Variants in HTT observed in about 807,000 individuals in gnomAD.
HTT encodes the protein huntington disease protein.
HTT carries 104 observed loss-of-function variants against 362.3 expected under a neutral mutation model. That is an observed-to-expected ratio of 0.29 (90% CI 0.24 to 0.34). The LOEUF (loss-of-function observed/expected upper bound fraction) is 0.34. Among genes scored for constraint, HTT ranks in the 10% least tolerant of loss-of-function variants. The pLI is 1.00. For missense variants in HTT, 3,301 were observed against 3,928.6 expected, an observed-to-expected ratio of 0.84 and a Z score of 4.27; for synonymous variants, 1,577 against 1,548.7, an observed-to-expected ratio of 1.02 and a Z score of -0.43.
chr4:3,198,151 G>A (rs1560589495), intron 40 of HTT, among the ~76,000 whole-genome samples: 1 of 151,160 alleles, frequency 6.6e-6, no homozygotes, highest in Admixed American at 6.6e-5. Context: ...GCATTGTGGA[G>A]CCCTAAAAAG....
intron 11 of HTT, among the ~76,000 whole-genome samples, chr4:3,126,691 C>T (rs960830016): frequency 2.0e-5 from 3 of 152,168 alleles, no homozygotes; most frequent in Admixed American, 6.5e-5. Flanking sequence ...AGCTTCATGT[C>T]GACCTTTTTG....
chr4:3,209,662 A>T (rs779365658), intron 46 of HTT, among the ~76,000 whole-genome samples, 165 bp from the exon 47 acceptor site: 11 of 152,178 alleles, frequency 7.2e-5, no homozygotes, highest in Non-Finnish European at 1.5e-4. Flanking sequence ...TCCAAAGGGG[A>T]AAACCTGTGG....
In HTT at chr4:3,206,732, G is replaced by T; in HGVS notation, c.5898+57G>T. On this transcript the variant is annotated intron_variant, in intron 43 of 66. Coordinates refer to ENST00000355072, the MANE Select transcript of HTT (RefSeq NM_001388492.1). The surrounding 1 kb of genome is among the most constrained non-coding windows in gnomAD (Gnocchi z 4.6). ...TGCAGTTTTCCCTGCCTTAAAAATG[G>T]AGTATTGAAATTTTTAACTTTAATT... 4.4e-6 allele frequency: 7 copies of T among 1,590,764 alleles called. No individual in the cohort carries two copies. The highest frequency in any genetic ancestry group is 5.2e-6 in the Non-Finnish European group (6 of 1,164,238).
intron 6 of HTT, among the ~76,000 whole-genome samples, chr4:3,114,930 G>A (rs1714943399): frequency 6.6e-6 from 1 of 152,110 alleles, no homozygotes; most frequent in Non-Finnish European, 1.5e-5. Flanking sequence ...CATCTCTTAG[G>A]GTGGGGCATT....
At chr4:3,196,734 G>C (rs1262711180) in intron 40 of HTT, among the ~76,000 whole-genome samples, 2 of 148,864 alleles carry the variant, frequency 1.3e-5, no homozygotes, top group East Asian at 3.9e-4. Context: ...GTGAGACCCT[G>C]TCTGAAAAAA....
intron 29 of HTT, among the ~76,000 whole-genome samples, chr4:3,165,690 T>C (rs1427179267): frequency 6.6e-6 from 1 of 152,018 alleles, no homozygotes; most frequent in Non-Finnish European, 1.5e-5. Flanking sequence ...TCCTTTCTTC[T>C]GCTTGATTGA....
intron 3 of HTT, 101 bp from the exon 4 acceptor site, chr4:3,103,723 G>T: frequency 1.4e-6 from 1 of 724,652 alleles, no homozygotes; most frequent in South Asian, 1.6e-5. Context: ...TTGCTATTAT[G>T]TTTTGCTTTG....
chr4:3,155,605 G>A (rs1252610406), intron 27 of HTT, among the ~76,000 whole-genome samples: 2 of 151,372 alleles, frequency 1.3e-5, no homozygotes, highest in Admixed American at 1.3e-4. Context: ...ACATTGGCCA[G>A]GCGTGGTGGC....
chr4:3,175,056 G>A lies in HTT; in HGVS notation c.4356G>A (p.Leu1452=). ...TACAGAAGCAGGTTTTAGATTTGCT[G>A]GCGCAGCTGGTTCAGTTACGGGTTA... The part of the protein sequence containing the change: ...VQLQKQVLDL[L]AQLVQLRVNY... The change falls in exon 33 of 67, where the codon CTG becomes CTA. Residue 1452 remains leucine, a synonymous_variant. Transcript: ENST00000355072. 6.2e-7 allele frequency: 1 copy of A among 1,614,148 alleles called. No homozygotes were observed. The highest frequency in any genetic ancestry group is 8.5e-7 in the Non-Finnish European group (1 of 1,180,010).
chr4:3,105,551 C>T (rs543273569), intron 5 of HTT, 115 bp downstream of exon 5: 77 of 725,406 alleles, frequency 1.1e-4, no homozygotes, highest in Non-Finnish European at 1.7e-4. Flanking sequence ...AAATTGCAGT[C>T]GACCTTGCCC....
chr4:3,156,616 G>A (rs1274825636), intron 27 of HTT, among the ~76,000 whole-genome samples: 1 of 152,178 alleles, frequency 6.6e-6, no homozygotes, highest in African/African-American at 2.4e-5. Flanking sequence ...ATAGTGCTTG[G>A]CACTTTAATA....
At chr4:3,097,629 C>G (rs1203407942) in intron 2 of HTT, among the ~76,000 whole-genome samples, 1 of 152,026 alleles carries the variant, frequency 6.6e-6, no homozygotes, top group Non-Finnish European at 1.5e-5. Context: ...AAGACTCCAT[C>G]TCAAAACAAA....
In HTT at chr4:3,187,729, G is replaced by T; in HGVS notation, c.5068G>T (p.Asp1690Tyr). The stretch of plus-strand genomic sequence containing the variant: ...GGTTCTGATTTCCCAGTCAACTGAA[G>T]ATATTGTTCTTTCTCGTATTCAGGA... ...LRVLISQSTE[D>Y]IVLSRIQELS... Residue 1690 changes from aspartate (D) to tyrosine (Y), a missense_variant, in exon 39 of 67, where the codon GAT becomes TAT. Asp to Tyr is a radical substitution (Grantham distance 160). This residue lies in a region of HTT where 2,316 missense variants were observed against 2,658.5 expected (regional missense o/e 0.87). Transcript: ENST00000355072. The T allele has an allele frequency of 6.2e-7, 1 of 1,614,144 alleles. No individual in the cohort carries two copies. Among genetic ancestry groups the T allele is most frequent in the African/African-American group, 1.3e-5 (1 of 75,040 alleles).
Position 3,105,369 on chromosome 4 carries a change from C to G in HTT, c.541C>G (p.Arg181Gly). Reference protein sequence around the residue: ...YKEIKKNGAPRSLRAALWRFA... With the variant: ...YKEIKKNGAPGSLRAALWRFA... Reference sequence around the variant, plus strand: ...TGCACCCCCTCAGAATGGTGCCCCTCGGAGTTTGCGTGCTGCCCTGTGGAG... The same window carrying G: ...TGCACCCCCTCAGAATGGTGCCCCTGGGAGTTTGCGTGCTGCCCTGTGGAG... The change falls in exon 5 of 67, where the codon CGG becomes GGG. Residue 181 changes from arginine (R) to glycine (G), a missense_variant. This residue lies in a region of HTT where 2,316 missense variants were observed against 2,658.5 expected (regional missense o/e 0.87). Transcript: ENST00000355072. 6.2e-7 allele frequency: 1 copy of G among 1,613,578 alleles called. No homozygotes were observed. The highest frequency in any genetic ancestry group is 2.2e-5 in the East Asian group (1 of 44,884).
At chr4:3,136,471 ATG>A in intron 21 of HTT, 145 bp downstream of exon 21, 1 of 450,022 alleles carries the variant, frequency 2.2e-6, no homozygotes, top group South Asian at 6.3e-5. Flanking sequence ...TTAAACTATA[ATG>A]AAAAAAAAAT....
rs12503835 is a variant in HTT, at chr4:3,225,612, G to A, written c.7766-49G>A. The A allele has an allele frequency of 6.7e-5, 104 of 1,550,326 alleles. No individual in the cohort carries two copies. The East Asian group carries it at 1.9e-3, about 29-fold the overall frequency. ...CTGGGCTGGTATGGGGTGGGCCTGC[G>A]GCCCTGCCCCCCTGTGCAGATCAAG... On this transcript the variant is annotated intron_variant, in intron 56 of 66. Coordinates refer to ENST00000355072, the MANE Select transcript of HTT (RefSeq NM_001388492.1).
rs200639978 is a variant in HTT, at chr4:3,131,715, C to T, written c.2176C>T (p.His726Tyr). 127 of 1,613,924 alleles carry T rather than the reference C, an allele frequency of 7.9e-5. No individual in the cohort carries two copies. Among genetic ancestry groups the T allele is most frequent in the Non-Finnish European group, 1.0e-4 (118 of 1,179,942 alleles). ...LSCVGAAVAL[H>Y]PESFFSKLYK... Reference sequence around the variant, plus strand: ...CTGTGTGGGAGCAGCTGTGGCCCTCCACCCGGAATCTTTCTTCAGCAAACT... The same window carrying T: ...CTGTGTGGGAGCAGCTGTGGCCCTCTACCCGGAATCTTTCTTCAGCAAACT... Residue 726 changes from histidine to tyrosine, a missense_variant, in exon 16 of 67, where the codon CAC (histidine) becomes TAC (tyrosine). Around this residue, in one of 4 missense-constraint regions of HTT, gnomAD observed 2,316 missense variants for 2,658.5 expected, o/e 0.87. Transcript: ENST00000355072.
At chr4:3,225,282 C>T (rs193051016) in intron 56 of HTT, among the ~76,000 whole-genome samples, 113 of 152,306 alleles carry the variant, frequency 7.4e-4, no homozygotes, top group Non-Finnish European at 1.2e-3. Flanking sequence ...TCTGGGTCCC[C>T]CAGAGAGCTT....
In HTT at chr4:3,197,682, A is replaced by T. The variant is rs559353063; in HGVS notation, c.5369-2050A>T. Among the ~76,000 whole-genome samples, 153 of 152,228 alleles carry T rather than the reference A, an allele frequency of 1.0e-3. 1 individual carries two copies. In the South Asian group the frequency reaches 0.03, roughly 30 times the overall value. On this transcript the variant is annotated intron_variant, in intron 40 of 66. Coordinates refer to ENST00000355072, the MANE Select transcript of HTT (RefSeq NM_001388492.1). ...TGCTCTTAATTCCATCTTACACCTA[A>T]GGAAGCTGAGGCCCCAGGTAAGGTG...
Sources: gnomAD v4.1 joint callset for allele counts (sites outside exome capture counted in the v4.1 genomes callset) on GRCh38, gnomAD v4.1.1 for gene constraint, gnomAD v4.1.1 regional missense constraint, Gnocchi (gnomAD v3.1) non-coding constraint, MANE v1.5 for transcripts, NCBI Gene and HGNC (gene_info 2026-07-23, HGNC 2026-07-21) for gene names.